Variants in MPPED2 observed in about 807,000 individuals in gnomAD.
The protein encoded by MPPED2 is metallophosphoesterase domain containing 2, also known as metallophosphoesterase MPPED2.
Under a neutral mutation model 33.0 loss-of-function variants are expected in MPPED2, and 5 were observed. The observed-to-expected ratio is 0.15, with a 90% confidence interval of 0.08 to 0.32. The LOEUF (loss-of-function observed/expected upper bound fraction) is 0.32, where lower values mean the gene tolerates loss of function less well. Ranked by LOEUF, MPPED2 falls within the 10% of genes least tolerant of loss-of-function variation. MPPED2 has a pLI of 1.00. For synonymous variants in MPPED2, 136 were observed against 141.9 expected (o/e 0.96, Z 0.29); for missense variants, 275 against 372.1 (o/e 0.74, Z 2.15).
chr11:30,388,514 T>TAGA, exon 7 of MPPED2: 2 of 163,062 alleles, frequency 1.2e-5, no homozygotes, highest in Non-Finnish European at 1.3e-5. Flanking sequence ...GGAGGGACTG[T>TAGA]TGGTAGGGGA....
intron 6 of MPPED2, among the ~76,000 whole-genome samples, chr11:30,400,247 T>C (rs1449594860): frequency 6.6e-6 from 1 of 152,066 alleles, no homozygotes; most frequent in Non-Finnish European, 1.5e-5. Flanking sequence ...AATAAAAAAA[T>C]ATTTCTTTTT....
At chr11:30,423,345 G>A (rs1438494478) in intron 4 of MPPED2, among the ~76,000 whole-genome samples, 1 of 152,162 alleles carries the variant, frequency 6.6e-6, no homozygotes, top group Non-Finnish European at 1.5e-5. Context: ...TCCTGAGCTG[G>A]CTGCATCAAA....
At chr11:30,437,431 T>C (rs1949371862) in intron 4 of MPPED2, among the ~76,000 whole-genome samples, 1 of 152,128 alleles carries the variant, frequency 6.6e-6, no homozygotes, top group African/African-American at 2.4e-5. Context: ...AGCTTCTATT[T>C]TCCCCATCAA....
chr11:30,583,866 A>C (rs1463331946), intron 1 of MPPED2, among the ~76,000 whole-genome samples: 1 of 152,174 alleles, frequency 6.6e-6, no homozygotes, highest in Non-Finnish European at 1.5e-5. Flanking sequence ...CTCCAGACCG[A>C]GCCTGGCGGG....
intron 2 of MPPED2, among the ~76,000 whole-genome samples, chr11:30,548,734 G>A (rs941205482): frequency 6.6e-6 from 1 of 152,182 alleles, no homozygotes; most frequent in Non-Finnish European, 1.5e-5. Context: ...AGACATAAAA[G>A]AAACAATTTA....
chr11:30,389,858 C>T (rs1291292048), intron 6 of MPPED2, among the ~76,000 whole-genome samples: 1 of 152,114 alleles, frequency 6.6e-6, no homozygotes, highest in Non-Finnish European at 1.5e-5. Flanking sequence ...GACCAGATAA[C>T]ATAACACAGC....
At chr11:30,530,223 A>C (rs1244379985) in intron 3 of MPPED2, among the ~76,000 whole-genome samples, 1 of 152,240 alleles carries the variant, frequency 6.6e-6, no homozygotes, top group African/African-American at 2.4e-5. Context: ...TTTGAGAATA[A>C]AAGAAAAAGG....
intron 3 of MPPED2, among the ~76,000 whole-genome samples, chr11:30,513,667 A>T (rs1953355507): frequency 2.0e-5 from 3 of 152,214 alleles, no homozygotes; most frequent in Admixed American, 6.5e-5. Context: ...AGGAACCTGT[A>T]ATCTTCTCTT....
intron 4 of MPPED2, 137 bp from the exon 5 acceptor site, chr11:30,417,770 T>A: frequency 1.6e-6 from 1 of 608,036 alleles, no homozygotes; most frequent in South Asian, 2.0e-5. Context: ...GGCAGCAGGA[T>A]GCTTTTTTGT....
chr11:30,572,872 T>C (rs989634253), intron 2 of MPPED2, among the ~76,000 whole-genome samples: 1 of 152,148 alleles, frequency 6.6e-6, no homozygotes, highest in African/African-American at 2.4e-5. Context: ...TAATTTTACA[T>C]GGACAAATGT....
chr11:30,534,635 A>G (rs547859733), intron 3 of MPPED2, among the ~76,000 whole-genome samples: 1 of 152,340 alleles, frequency 6.6e-6, no homozygotes, highest in East Asian at 1.9e-4. Flanking sequence ...CTAGTGAAAC[A>G]CACAGCTACA....
chr11:30,478,224 T>A (rs1951311844), intron 4 of MPPED2, among the ~76,000 whole-genome samples: 1 of 152,144 alleles, frequency 6.6e-6, no homozygotes, highest in Non-Finnish European at 1.5e-5. Flanking sequence ...TTATAGTTAT[T>A]TGCAGGAGAC....
At chr11:30,415,214 A>G (rs1390644882) in intron 5 of MPPED2, among the ~76,000 whole-genome samples, 1 of 152,222 alleles carries the variant, frequency 6.6e-6, no homozygotes, top group Non-Finnish European at 1.5e-5. Context: ...GCCAAACTGC[A>G]GACATGAACG....
chr11:30,542,271 C>A (rs1466630007), intron 2 of MPPED2, among the ~76,000 whole-genome samples: 1 of 151,938 alleles, frequency 6.6e-6, no homozygotes, highest in African/African-American at 2.4e-5. Context: ...TCTTTGAAGT[C>A]ATCAGTCAGA....
At chr11:30,442,664 T>C (rs1180835451) in intron 4 of MPPED2, among the ~76,000 whole-genome samples, 2 of 152,086 alleles carry the variant, frequency 1.3e-5, no homozygotes, top group East Asian at 1.9e-4. Flanking sequence ...AAATATCACA[T>C]TATAGGTAAC....
chr11:30,472,542 A>C (rs1950996488), intron 4 of MPPED2, among the ~76,000 whole-genome samples: 1 of 152,210 alleles, frequency 6.6e-6, no homozygotes, highest in Non-Finnish European at 1.5e-5. Flanking sequence ...ATGGATAAAC[A>C]GCATGTGATG....
chr11:30,392,174 G>T (rs540898189), intron 6 of MPPED2, among the ~76,000 whole-genome samples: 11 of 152,282 alleles, frequency 7.2e-5, no homozygotes, highest in African/African-American at 2.6e-4. Context: ...TTGAACACTG[G>T]CATGTAGAAG....
At chr11:30,485,601 G>A (rs994645286) in intron 4 of MPPED2, among the ~76,000 whole-genome samples, 4 of 152,232 alleles carry the variant, frequency 2.6e-5, no homozygotes, top group Non-Finnish European at 5.9e-5. Flanking sequence ...AGTTGTAGAT[G>A]TTTGAGCTAT....
intron 4 of MPPED2, among the ~76,000 whole-genome samples, chr11:30,435,664 T>A (rs1949290940): frequency 6.6e-6 from 1 of 152,144 alleles, no homozygotes; most frequent in African/African-American, 2.4e-5. Context: ...ATCATTCACA[T>A]CCCTTCCCTA....
Sources: allele counts gnomAD v4.1 joint callset (sites outside exome capture counted in the v4.1 genomes callset), GRCh38; gene constraint gnomAD v4.1.1; transcripts MANE v1.5; gene names NCBI Gene and HGNC (gene_info 2026-07-23, HGNC 2026-07-21).